Variants in PALM2AKAP2 observed in about 807,000 individuals in gnomAD.
PALM2AKAP2 encodes PALM2-AKAP2 fusion protein.
A neutral mutation model predicts 71.5 loss-of-function variants in PALM2AKAP2; 37 were observed. That is an observed-to-expected ratio of 0.52 (90% CI 0.40 to 0.68). The LOEUF is 0.68. PALM2AKAP2 is among the 30% of genes least tolerant of loss of function. The pLI is 0.00. For synonymous variants in PALM2AKAP2, 468 were observed against 478.8 expected (o/e 0.98, Z 0.29); for missense variants, 1,224 against 1,191.8 (o/e 1.03, Z -0.40).
chr9:109,920,909 T>A (rs538159128), intron 3 of PALM2AKAP2, among the ~76,000 whole-genome samples: 23 of 152,320 alleles, frequency 1.5e-4, no homozygotes, highest in Non-Finnish European at 2.5e-4. Flanking sequence ...ATTGAATTAA[T>A]TCAGTTTCTG....
chr9:110,152,012 T>C (rs1836327208), intron 2 of PALM2AKAP2, among the ~76,000 whole-genome samples: 1 of 152,136 alleles, frequency 6.6e-6, no homozygotes, highest in African/African-American at 2.4e-5. Context: ...TGAGACAGAC[T>C]GATCACTTGA....
At chr9:109,870,697 C>G (rs2479314) in intron 2 of PALM2AKAP2, among the ~76,000 whole-genome samples, 1 of 152,138 alleles carries the variant, frequency 6.6e-6, no homozygotes, top group Non-Finnish European at 1.5e-5. Context: ...TCCAGGCCAC[C>G]GTTCTCTTTG....
At chr9:109,745,795 T>C (rs1224509205) in intron 1 of PALM2AKAP2, among the ~76,000 whole-genome samples, 1 of 152,160 alleles carries the variant, frequency 6.6e-6, no homozygotes, top group Non-Finnish European at 1.5e-5. Context: ...ATTTACGCAA[T>C]GGTCTGGGTT....
chr9:109,905,817 A>G (rs547948348), intron 3 of PALM2AKAP2, among the ~76,000 whole-genome samples: 64 of 152,218 alleles, frequency 4.2e-4, no homozygotes, highest in Non-Finnish European at 8.2e-4. Flanking sequence ...GTTACCATAA[A>G]TGATCACAGG....
At chr9:110,043,238 G>C (rs1311951860) in intron 7 of PALM2AKAP2, among the ~76,000 whole-genome samples, 1 of 152,066 alleles carries the variant, frequency 6.6e-6, no homozygotes, top group Non-Finnish European at 1.5e-5. Flanking sequence ...AGAAGTATAG[G>C]GGGTTACAAG....
intron 3 of PALM2AKAP2, among the ~76,000 whole-genome samples, chr9:110,156,858 C>T (rs545711059): frequency 3.7e-4 from 57 of 152,280 alleles, no homozygotes; most frequent in South Asian, 3.3e-3. Context: ...CTGATTTCTA[C>T]CATTGCCCAG....
chr9:110,137,764 A>G, exon 2 of PALM2AKAP2: 1 of 1,614,176 alleles, frequency 6.2e-7, no homozygotes, highest in Non-Finnish European at 8.5e-7. Flanking sequence ...CCAATGAGAC[A>G]ACCAATGCCC....
intron 1 of PALM2AKAP2, among the ~76,000 whole-genome samples, chr9:109,688,517 C>G (rs1158073865): frequency 6.6e-6 from 1 of 152,192 alleles, no homozygotes; most frequent in Non-Finnish European, 1.5e-5. Context: ...AATAGCCCTG[C>G]AAAGGGTTTG....
chr9:110,137,812 GACACCACAAACTGACAAC>G, exon 2 of PALM2AKAP2: 2 of 1,614,108 alleles, frequency 1.2e-6, no homozygotes, highest in Non-Finnish European at 1.7e-6. Context: ...CTCTGCCCCA[GACACCACAAACTGACAAC>G]CCCTCAGAGG....
chr9:109,656,660 C>T (rs983474493), intron 1 of PALM2AKAP2, among the ~76,000 whole-genome samples: 8 of 152,084 alleles, frequency 5.3e-5, no homozygotes, highest in East Asian at 1.9e-4. Flanking sequence ...GTGTGAAGAA[C>T]GGGCTGTAGA....
intron 1 of PALM2AKAP2, among the ~76,000 whole-genome samples, chr9:110,066,446 C>G (rs1214891895): frequency 6.6e-6 from 1 of 152,154 alleles, no homozygotes; most frequent in African/African-American, 2.4e-5. Flanking sequence ...CCTGTAATCC[C>G]AGCACTTTGG....
intron 7 of PALM2AKAP2, among the ~76,000 whole-genome samples, chr9:110,030,286 C>CAACA (rs1411472379): frequency 6.6e-6 from 1 of 152,194 alleles, no homozygotes; most frequent in Non-Finnish European, 1.5e-5. Flanking sequence ...ACAGAACAGA[C>CAACA]AACAATTTGT....
chr9:109,929,886 AAG>A (rs1334642825), intron 5 of PALM2AKAP2, among the ~76,000 whole-genome samples: 5 of 147,434 alleles, frequency 3.4e-5, no homozygotes, highest in Admixed American at 2.0e-4. Flanking sequence ...AAAAAAAAAA[AAG>A]AGAGAGAATC....
At chr9:109,939,041 A>ATAC (rs954742733) in intron 6 of PALM2AKAP2, among the ~76,000 whole-genome samples, 1 of 152,042 alleles carries the variant, frequency 6.6e-6, no homozygotes, top group African/African-American at 2.4e-5. Context: ...AATAATAATA[A>ATAC]TAATAAAAAA....
exon 2 of PALM2AKAP2, chr9:110,138,174 C>T: frequency 6.2e-7 from 1 of 1,614,056 alleles, no homozygotes; most frequent in African/African-American, 1.3e-5. Flanking sequence ...ATTCTGCCTG[C>T]TGAAGACAGG....
At chr9:109,805,990 T>C (rs879415776) in intron 1 of PALM2AKAP2, among the ~76,000 whole-genome samples, 5 of 152,170 alleles carry the variant, frequency 3.3e-5, no homozygotes, top group Admixed American at 6.5e-5. Flanking sequence ...AAAAGCTCTA[T>C]CTTGGGTTTG....
At chr9:109,931,802 A>C (rs1029039221) in intron 5 of PALM2AKAP2, 125 bp from the exon 6 acceptor site, 2 of 1,033,542 alleles carry the variant, frequency 1.9e-6, no homozygotes, top group Non-Finnish European at 2.9e-6. Flanking sequence ...GTTTACCCTG[A>C]TCCTCCTGTT....
chr9:110,165,188 T>G (rs963829172), intron 3 of PALM2AKAP2, among the ~76,000 whole-genome samples: 1 of 152,110 alleles, frequency 6.6e-6, no homozygotes, highest in South Asian at 2.1e-4. Context: ...CAGAGACATA[T>G]GCCTTTTTGC....
At chr9:110,080,469 C>T (rs1834424706) in intron 1 of PALM2AKAP2, among the ~76,000 whole-genome samples, 1 of 152,102 alleles carries the variant, frequency 6.6e-6, no homozygotes. Flanking sequence ...ACCATCAAAA[C>T]CATAGAGGTG....
Sources: allele counts gnomAD v4.1 joint callset (sites outside exome capture counted in the v4.1 genomes callset), GRCh38; gene constraint gnomAD v4.1.1; transcripts MANE v1.5; gene names NCBI Gene and HGNC (gene_info 2026-07-23, HGNC 2026-07-21).